RPS6KC1: variants seen among roughly 807,000 people sequenced by gnomAD.
The protein encoded by RPS6KC1 is ribosomal protein S6 kinase C1, also known as inactive ribosomal protein S6 kinase delta-1.
Under a neutral mutation model 103.8 loss-of-function variants are expected in RPS6KC1, and 54 were observed. That is an observed-to-expected ratio of 0.52 (90% CI 0.42 to 0.65). The LOEUF is 0.65. Ranked by LOEUF, RPS6KC1 falls within the 30% of genes least tolerant of loss-of-function variation. The probability of loss-of-function intolerance (pLI) is 0.00; values close to 1 mark genes in which losing one functional copy is unlikely to be tolerated. For missense variants in RPS6KC1, 1,151 were observed against 1,253.8 expected (o/e 0.92, Z 1.24); for synonymous variants, 439 against 438.7 (o/e 1.00, Z -0.01).
At chr1:213,102,155 C>G (rs1309363496) in intron 3 of RPS6KC1, among the ~76,000 whole-genome samples, 1 of 152,172 alleles carries the variant, frequency 6.6e-6, no homozygotes, top group Non-Finnish European at 1.5e-5. Context: ...TGAGAAAACT[C>G]AAGATAGAAG....
chr1:213,083,672 T>C (rs1322022689), intron 3 of RPS6KC1, among the ~76,000 whole-genome samples: 4 of 152,112 alleles, frequency 2.6e-5, no homozygotes. Context: ...TGAGGAGATC[T>C]TGTATGTGGG....
chr1:213,490,993 G>T, the RPS6KC1 span, among the ~76,000 whole-genome samples: 2 of 152,166 alleles, frequency 1.3e-5, no homozygotes, highest in East Asian at 1.9e-4. Flanking sequence ...ATGGGAACTG[G>T]AGCAGGATTG....
At chr1:213,551,947 A>G in the RPS6KC1 span, among the ~76,000 whole-genome samples, 265 of 152,302 alleles carry the variant, frequency 1.7e-3, no homozygotes, top group South Asian at 3.1e-3. Context: ...ATAGTTTGGA[A>G]TTATATAGCA....
At chr1:213,836,326 G>A in the RPS6KC1 span, among the ~76,000 whole-genome samples, 1 of 151,890 alleles carries the variant, frequency 6.6e-6, no homozygotes, top group South Asian at 2.1e-4. Flanking sequence ...TCCAAATGAT[G>A]TTTTTGAATG....
intron 6 of RPS6KC1, among the ~76,000 whole-genome samples, chr1:213,152,516 T>A (rs1245282891): frequency 1.4e-5 from 2 of 143,968 alleles, no homozygotes; most frequent in East Asian, 4.3e-4. Flanking sequence ...GCTCCTCACT[T>A]CTCAGACGGG....
the RPS6KC1 span, among the ~76,000 whole-genome samples, chr1:213,428,438 CTCCA>C: frequency 4.1e-5 from 4 of 98,226 alleles, no homozygotes; most frequent in Non-Finnish European, 4.4e-5. Flanking sequence ...CCCTCCCTCC[CTCCA>C]TCCCTCCCTC....
In RPS6KC1 at chr1:213,205,538, A is replaced by ATATATATATATATATATATATATC. The variant is rs2093318621; in HGVS notation, c.1045-24951_1045-24950insTATATATATATATATCTATATATA. Reference sequence around the variant, plus strand: ...AATGTTAATAACAACAAACTCATTTATATATATAGATATATATATATATAT... The same window carrying ATATATATATATATATATATATATC: ...AATGTTAATAACAACAAACTCATTTATATATATATATATATATATATATCTATATATAGATATATATATATATAT... On this transcript the variant is annotated intron_variant, in intron 8 of 14. Transcript: ENST00000366960. 1.8e-5 allele frequency: 2 copies of ATATATATATATATATATATATATC among 111,672 alleles called. 1 individual carries two copies. Among genetic ancestry groups the ATATATATATATATATATATATATC allele is most frequent in the Non-Finnish European group, 3.8e-5 (2 of 52,552 alleles). The allele number at this position is 111,672 out of a possible 1,614,324, so 6.9% of individuals were successfully genotyped here. A position where few individuals can be genotyped will look rare whatever the true frequency, so the allele number is the denominator to read the frequency against.
intron 3 of RPS6KC1, among the ~76,000 whole-genome samples, chr1:213,088,076 T>C (rs1351198890): frequency 6.6e-6 from 1 of 152,190 alleles, no homozygotes; most frequent in Non-Finnish European, 1.5e-5. Flanking sequence ...AGTTGGTTCC[T>C]CATACCATGA....
intron 8 of RPS6KC1, among the ~76,000 whole-genome samples, chr1:213,193,687 G>A (rs982492609): frequency 6.6e-6 from 1 of 152,136 alleles, no homozygotes; most frequent in Non-Finnish European, 1.5e-5. Flanking sequence ...CCAGGCTGGA[G>A]TGTGGCGGCA....
chr1:213,085,828 A>T lies in RPS6KC1; in HGVS notation c.262+8012A>T, dbSNP rs764690594. Reference sequence around the variant, plus strand: ...AGTTTAGAATGCATTAATACATTTAATTATTTTGATTCACAAATTGTCCCA... The same window carrying T: ...AGTTTAGAATGCATTAATACATTTATTTATTTTGATTCACAAATTGTCCCA... On this transcript the variant is annotated intron_variant, in intron 3 of 14. Coordinates refer to ENST00000366960, the MANE Select transcript of RPS6KC1 (RefSeq NM_012424.6). Among the ~76,000 whole-genome samples the T allele has an allele frequency of 4.4e-4, 67 of 152,066 alleles. 1 individual carries two copies. The highest frequency in any genetic ancestry group is 2.6e-4 in the Admixed American group (4 of 15,262).
the RPS6KC1 span, among the ~76,000 whole-genome samples, chr1:213,591,567 C>G: frequency 6.6e-6 from 1 of 152,176 alleles, no homozygotes; most frequent in East Asian, 1.9e-4. Flanking sequence ...GTGCTTTGCC[C>G]CCTCACCAGG....
chr1:213,537,820 T>A, the RPS6KC1 span, among the ~76,000 whole-genome samples: 10 of 152,184 alleles, frequency 6.6e-5, no homozygotes, highest in Admixed American at 3.9e-4. Context: ...CTGCTTGAGA[T>A]GTTTAGATTA....
At chr1:213,129,941 G>GA (rs768458865) in intron 6 of RPS6KC1, 52 bp downstream of exon 6, 26 of 1,492,972 alleles carry the variant, frequency 1.7e-5, no homozygotes, top group Non-Finnish European at 2.0e-5. Context: ...TGGTATGTGG[G>GA]AAAAAAAAGT....
the RPS6KC1 span, among the ~76,000 whole-genome samples, chr1:213,583,820 CAAAAAA>C: frequency 5.2e-5 from 4 of 76,668 alleles, no homozygotes; most frequent in Admixed American, 1.5e-4. Context: ...GATTCTGTCT[CAAAAAA>C]AAAAAAAAAA....
At chr1:213,082,431 A>C (rs1434077278) in intron 3 of RPS6KC1, among the ~76,000 whole-genome samples, 6 of 151,420 alleles carry the variant, frequency 4.0e-5, no homozygotes, top group African/African-American at 7.3e-5. Flanking sequence ...ACTCCATCCC[A>C]AAAAAATAAA....
At position 213,232,103 on chromosome 1, in the gene RPS6KC1, A is replaced by G; in HGVS notation, c.1093-20A>G. The G allele has an allele frequency of 6.2e-7, 1 of 1,612,612 alleles. No individual in the cohort carries two copies. The highest frequency in any genetic ancestry group is 8.5e-7 in the Non-Finnish European group (1 of 1,179,330). ...GAGGATGCAACTGAGGATACAACTG[A>G]CCTTTTTGTTCTCTGTCAGGGTCTA... On this transcript the variant is annotated intron_variant, in intron 9 of 14. Coordinates refer to ENST00000366960, the MANE Select transcript of RPS6KC1 (RefSeq NM_012424.6).
At chr1:213,385,827 A>G in the RPS6KC1 span, among the ~76,000 whole-genome samples, 1 of 152,100 alleles carries the variant, frequency 6.6e-6, no homozygotes, top group Non-Finnish European at 1.5e-5. Context: ...CAGTGCTGCT[A>G]CTGTTCACAG....
At chr1:213,494,533 A>G in the RPS6KC1 span, among the ~76,000 whole-genome samples, 1 of 152,066 alleles carries the variant, frequency 6.6e-6, no homozygotes, top group Non-Finnish European at 1.5e-5. Context: ...AGAAAGTCAT[A>G]TTGTTTTGAG....
At chr1:213,737,100 T>C in the RPS6KC1 span, among the ~76,000 whole-genome samples, 1 of 152,210 alleles carries the variant, frequency 6.6e-6, no homozygotes, top group African/African-American at 2.4e-5. Flanking sequence ...GTGGTTTCCA[T>C]GGCCACAGGT....
Sources: gnomAD v4.1 joint callset for allele counts (sites outside exome capture counted in the v4.1 genomes callset) on GRCh38, gnomAD v4.1.1 for gene constraint, MANE v1.5 for transcripts, NCBI Gene and HGNC (gene_info 2026-07-23, HGNC 2026-07-21) for gene names.